The following STRN3 variants were observed in gnomAD, a reference collection of about 807,000 sequenced individuals.
STRN3 encodes striatin-3.
A neutral mutation model predicts 95.6 loss-of-function variants in STRN3; 29 were observed. The observed-to-expected ratio is 0.30, with a 90% CI of 0.23 to 0.41. The LOEUF is 0.41. Ranked by LOEUF, STRN3 falls within the 10% of genes least tolerant of loss-of-function variation. The pLI, the probability that STRN3 is intolerant of heterozygous loss-of-function variation, is 1.00. For synonymous variants in STRN3, 331 were observed against 357.6 expected (o/e 0.93, Z 0.84); for missense variants, 890 against 972.1 (o/e 0.92, Z 1.12).
At chr14:30,933,623 G>C (rs1358825972) in intron 7 of STRN3, among the ~76,000 whole-genome samples, 1 of 152,128 alleles carries the variant, frequency 6.6e-6, no homozygotes, top group Non-Finnish European at 1.5e-5. Flanking sequence ...TGCTGATTTT[G>C]AAGAAAGGTA....
chr14:31,013,869 A>T (rs982985952), intron 1 of STRN3, among the ~76,000 whole-genome samples: 4 of 23,268 alleles, frequency 1.7e-4, no homozygotes, highest in East Asian at 1.8e-3. Context: ...CAATTTTATT[A>T]TTATTATTAT....
chr14:30,948,230 A>G (rs1879464529), intron 4 of STRN3, among the ~76,000 whole-genome samples: 1 of 152,252 alleles, frequency 6.6e-6, no homozygotes, highest in African/African-American at 2.4e-5. Context: ...AAGTTTATAC[A>G]GTACCTATCA....
chr14:30,907,744 T>G (rs1896503747), intron 13 of STRN3, among the ~76,000 whole-genome samples: 1 of 152,188 alleles, frequency 6.6e-6, no homozygotes, highest in African/African-American at 2.4e-5. Flanking sequence ...AGTACTCCAT[T>G]TATTTTTAGT....
chr14:30,913,693 A>G lies in STRN3; in HGVS notation c.1241-36T>C, dbSNP rs1201626557. The G allele has an allele frequency of 1.9e-6, 3 of 1,609,902 alleles. No homozygotes were observed. In the African/African-American group the frequency reaches 4.0e-5, roughly 22 times the overall value. ...CAAAACCGCTTCTTAAATGCTGAAAAATCATACAGTACAAGACAATATTGT... is the reference window on the plus strand; with the variant it reads ...CAAAACCGCTTCTTAAATGCTGAAAGATCATACAGTACAAGACAATATTGT... On this transcript the variant is annotated intron_variant, in intron 9 of 17. Coordinates refer to ENST00000357479, the MANE Select transcript of STRN3 (RefSeq NM_001083893.2).
chr14:30,986,126 A>G (rs761919479), intron 1 of STRN3, among the ~76,000 whole-genome samples: 6 of 152,188 alleles, frequency 3.9e-5, no homozygotes, highest in Non-Finnish European at 8.8e-5. Flanking sequence ...GTGAAGGTAT[A>G]AAAGTTCCCT....
At chr14:30,973,758 A>G (rs538362313) in intron 1 of STRN3, among the ~76,000 whole-genome samples, 1 of 152,358 alleles carries the variant, frequency 6.6e-6, no homozygotes, top group Non-Finnish European at 1.5e-5. Context: ...CAGCATATTA[A>G]AAGAATTACA....
chr14:30,950,497 A>C (rs552019728), intron 4 of STRN3, among the ~76,000 whole-genome samples: 30 of 152,354 alleles, frequency 2.0e-4, no homozygotes, highest in African/African-American at 7.2e-4. Flanking sequence ...CACTTCTGAA[A>C]AGTTTCAGAT....
intron 5 of STRN3, among the ~76,000 whole-genome samples, chr14:30,943,236 G>A (rs1368459861): frequency 2.0e-5 from 3 of 152,128 alleles, no homozygotes. Context: ...GCCTACATTA[G>A]GGCAGAATCA....
intron 15 of STRN3, among the ~76,000 whole-genome samples, chr14:30,903,977 G>A (rs1046885857): frequency 2.0e-5 from 3 of 152,134 alleles, no homozygotes; most frequent in African/African-American, 7.2e-5. Context: ...TGAGAACCAA[G>A]ATAAATCTGA....
chr14:31,015,319 C>T (rs565869722), intron 1 of STRN3, among the ~76,000 whole-genome samples: 1 of 152,166 alleles, frequency 6.6e-6, no homozygotes, highest in East Asian at 1.9e-4. Context: ...TTGCTTTATA[C>T]ACATAAGCAC....
At chr14:30,959,453 A>G (rs1880080399) in intron 1 of STRN3, among the ~76,000 whole-genome samples, 1 of 152,236 alleles carries the variant, frequency 6.6e-6, no homozygotes, top group South Asian at 2.1e-4. Flanking sequence ...ACCTCATATC[A>G]TCACGTATCT....
chr14:30,965,752 A>C (rs969249746), intron 1 of STRN3, among the ~76,000 whole-genome samples: 1 of 144,314 alleles, frequency 6.9e-6, no homozygotes, highest in Non-Finnish European at 1.5e-5. Context: ...TGGGTGACAA[A>C]AGTGAAACTC....
chr14:30,900,980 C>T (rs1465500536), intron 16 of STRN3, among the ~76,000 whole-genome samples: 1 of 152,118 alleles, frequency 6.6e-6, no homozygotes, highest in African/African-American at 2.4e-5. Flanking sequence ...TTTAATATAA[C>T]TACTAAAATT....
chr14:31,014,560 T>G, intron 1 of STRN3: 1 of 387,072 alleles, frequency 2.6e-6, no homozygotes, highest in South Asian at 1.9e-5. Context: ...CGTCTGTTTA[T>G]AAAGTCTATC....
At chr14:31,017,977 C>A (rs1883321029) in intron 1 of STRN3, among the ~76,000 whole-genome samples, 1 of 151,396 alleles carries the variant, frequency 6.6e-6, no homozygotes, top group Non-Finnish European at 1.5e-5. Context: ...ACTCAAGGGG[C>A]TGAGGCAGGA....
chr14:30,994,967 T>A (rs1882131153), intron 1 of STRN3, among the ~76,000 whole-genome samples: 1 of 152,206 alleles, frequency 6.6e-6, no homozygotes, highest in Non-Finnish European at 1.5e-5. Flanking sequence ...AAATGCAAAT[T>A]TTGACCCCAG....
intron 1 of STRN3, among the ~76,000 whole-genome samples, chr14:30,972,512 G>C (rs1191960053): frequency 6.6e-6 from 1 of 152,064 alleles, no homozygotes; most frequent in Non-Finnish European, 1.5e-5. Flanking sequence ...GAATTAAAAA[G>C]AAAATTTTAT....
rs528157875 is a variant in STRN3, at chr14:30,894,949, C to T, written c.*462G>A. Reference sequence around the variant, plus strand: ...TAAAAGGGAATCTGTGGCATTCAACCGATAAACAGAAGATCACTAAGAGAT... The same window carrying T: ...TAAAAGGGAATCTGTGGCATTCAACTGATAAACAGAAGATCACTAAGAGAT... On this transcript the variant is annotated 3_prime_UTR_variant, in exon 18 of 18. Transcript: ENST00000357479. The T allele has an allele frequency of 1.5e-5, 16 of 1,073,552 alleles. No homozygotes were observed. The highest frequency in any genetic ancestry group is 1.9e-5 in the African/African-American group (1 of 53,998). 66.5% of individuals were successfully genotyped at this position (1,073,552 alleles called of 1,614,324 possible).
chr14:30,990,460 G>A (rs1385046279), intron 1 of STRN3, among the ~76,000 whole-genome samples: 2 of 151,946 alleles, frequency 1.3e-5, no homozygotes, highest in African/African-American at 4.8e-5. Context: ...GAGCCACCGC[G>A]CCCGGCCAAA....
Sources: gnomAD v4.1 joint callset for allele counts (sites outside exome capture counted in the v4.1 genomes callset) on GRCh38, gnomAD v4.1.1 for gene constraint, MANE v1.5 for transcripts, NCBI Gene and HGNC (gene_info 2026-07-23, HGNC 2026-07-21) for gene names.